Variants in TWSG1 observed in about 807,000 individuals in gnomAD.
The protein encoded by TWSG1 is twisted gastrulation BMP signaling modulator 1.
TWSG1 carries 15 observed loss-of-function variants against 23.0 expected under a neutral mutation model. The ratio of observed to expected loss-of-function variants is 0.65; its 90% CI spans 0.44 to 1.00. The LOEUF is 1.00. Ranked by LOEUF, TWSG1 falls within the 50% of genes least tolerant of loss-of-function variation. The pLI is 0.00. For synonymous variants in TWSG1, 86 were observed against 92.8 expected, an observed-to-expected ratio of 0.93 and a Z score of 0.42; for missense variants, 242 against 278.7, an observed-to-expected ratio of 0.87 and a Z score of 0.94.
At chr18:9,387,845 A>C (rs1325050962) in intron 3 of TWSG1, among the ~76,000 whole-genome samples, 1 of 152,166 alleles carries the variant, frequency 6.6e-6, no homozygotes, top group African/African-American at 2.4e-5. Context: ...TCAATCTGTA[A>C]AAAAAGGTGG....
chr18:9,384,904 C>T (rs2040675268), intron 3 of TWSG1, among the ~76,000 whole-genome samples: 1 of 152,174 alleles, frequency 6.6e-6, no homozygotes, highest in South Asian at 2.1e-4. Flanking sequence ...CCTCAGCCTC[C>T]CAAAGTGCTG....
chr18:9,372,386 A>AAAAT (rs1568036402), intron 3 of TWSG1, among the ~76,000 whole-genome samples: 1 of 150,192 alleles, frequency 6.7e-6, no homozygotes, highest in Admixed American at 6.7e-5. Context: ...AAAATAAAAT[A>AAAAT]ATACGGTAAT....
intron 2 of TWSG1, among the ~76,000 whole-genome samples, chr18:9,345,073 A>T (rs1240199833): frequency 6.6e-6 from 1 of 152,144 alleles, no homozygotes; most frequent in Non-Finnish European, 1.5e-5. Flanking sequence ...ACCTATGCTC[A>T]TTTTAAAATT....
At chr18:9,373,835 G>T (rs2040616919) in intron 3 of TWSG1, among the ~76,000 whole-genome samples, 1 of 151,992 alleles carries the variant, frequency 6.6e-6, no homozygotes, top group Admixed American at 6.6e-5. Flanking sequence ...AAATTTAAAA[G>T]AATAGAAATC....
At chr18:9,394,083 C>T (rs567144916) in intron 3 of TWSG1, among the ~76,000 whole-genome samples, 1 of 152,238 alleles carries the variant, frequency 6.6e-6, no homozygotes, top group South Asian at 2.1e-4. Context: ...ATCAGTATAT[C>T]GAAGAGACAT....
chr18:9,371,554 C>T (rs1417572993), intron 3 of TWSG1, among the ~76,000 whole-genome samples: 2 of 152,072 alleles, frequency 1.3e-5, no homozygotes, highest in African/African-American at 4.8e-5. Flanking sequence ...CTTGGCCTCC[C>T]AAAGTACTGG....
intron 2 of TWSG1, among the ~76,000 whole-genome samples, chr18:9,339,903 A>ATC (rs2040438678): frequency 6.6e-6 from 1 of 152,332 alleles, no homozygotes; most frequent in Admixed American, 6.5e-5. Context: ...CCTAACTCAA[A>ATC]TGGTGATTCT....
intron 3 of TWSG1, among the ~76,000 whole-genome samples, chr18:9,384,007 TC>T (rs1464137259): frequency 4.3e-4 from 66 of 152,342 alleles, no homozygotes; most frequent in Admixed American, 1.2e-3. Flanking sequence ...GCTGGAGTTT[TC>T]TAAAGAGAAT....
At chr18:9,378,554 T>C (rs1169833948) in intron 3 of TWSG1, among the ~76,000 whole-genome samples, 1 of 152,168 alleles carries the variant, frequency 6.6e-6, no homozygotes, top group African/African-American at 2.4e-5. Context: ...GGAATATACC[T>C]AACCAGTGAG....
intron 3 of TWSG1, among the ~76,000 whole-genome samples, chr18:9,392,408 C>A (rs769498368): frequency 2.6e-5 from 4 of 152,234 alleles, no homozygotes; most frequent in African/African-American, 9.6e-5. Flanking sequence ...TCAGACTTTT[C>A]TTCTGTAGCT....
At chr18:9,340,489 C>T (rs564893732) in intron 2 of TWSG1, among the ~76,000 whole-genome samples, 1 of 151,928 alleles carries the variant, frequency 6.6e-6, no homozygotes, top group East Asian at 1.9e-4. Context: ...CCACTCTTCA[C>T]CTAGTTTTGT....
At chr18:9,366,734 T>C (rs1380288099) in intron 3 of TWSG1, among the ~76,000 whole-genome samples, 4 of 152,216 alleles carry the variant, frequency 2.6e-5, no homozygotes, top group Non-Finnish European at 4.4e-5. Flanking sequence ...TCAAATTTTC[T>C]GTTTTCTGTT....
chr18:9,373,059 A>C (rs2040612955), intron 3 of TWSG1, among the ~76,000 whole-genome samples: 1 of 152,214 alleles, frequency 6.6e-6, no homozygotes, highest in Non-Finnish European at 1.5e-5. Context: ...ATGGATGGAG[A>C]ATGATATACA....
chr18:9,400,582 GAAAC>G lies in TWSG1; in HGVS notation c.*1059_*1062del, dbSNP rs1437580017. On this transcript the variant is annotated 3_prime_UTR_variant, in exon 5 of 5. Transcript: ENST00000262120. ...GTGAAAATGCTGGGAATTATTATGG[GAAAC>G]AAAACTATCTATGTTCATATTTTGT... is the stretch of plus-strand genomic sequence containing the variant. 6.6e-6 allele frequency: 1 copy of G among 152,126 alleles called. No individual in the cohort carries two copies. Among genetic ancestry groups the G allele is most frequent in the East Asian group, 1.9e-4 (1 of 5,202 alleles). The allele number at this position is 152,126 out of a possible 1,614,324, so 9.4% of individuals were successfully genotyped here. A position where few individuals can be genotyped will look rare whatever the true frequency, so the allele number is the denominator to read the frequency against.
chr18:9,385,295 G>A (rs963812522), intron 3 of TWSG1, among the ~76,000 whole-genome samples: 25 of 152,280 alleles, frequency 1.6e-4, no homozygotes, highest in African/African-American at 5.8e-4. Context: ...ATGTGTTATT[G>A]GTACCCAGGC....
intron 3 of TWSG1, among the ~76,000 whole-genome samples, chr18:9,364,802 A>C (rs1176225426): frequency 6.6e-6 from 1 of 151,132 alleles, no homozygotes; most frequent in Non-Finnish European, 1.5e-5. Context: ...TCAGAAAAAA[A>C]AAAAGAAGAA....
At chr18:9,348,537 C>T (rs2040487650) in intron 2 of TWSG1, among the ~76,000 whole-genome samples, 1 of 152,178 alleles carries the variant, frequency 6.6e-6, no homozygotes, top group South Asian at 2.1e-4. Flanking sequence ...AGTTGGTGAA[C>T]CTGAAAAGGT....
At chr18:9,335,536 G>T (rs376626199) in intron 1 of TWSG1, among the ~76,000 whole-genome samples, 99 of 152,172 alleles carry the variant, frequency 6.5e-4, no homozygotes, top group Admixed American at 9.8e-4. Context: ...TGGGAAAGGG[G>T]GGAAATCCCA....
At chr18:9,348,797 T>A (rs1458969750) in intron 2 of TWSG1, among the ~76,000 whole-genome samples, 1 of 152,240 alleles carries the variant, frequency 6.6e-6, no homozygotes, top group Non-Finnish European at 1.5e-5. Context: ...AATTTAGGTT[T>A]CTTTTTGTTA....
Sources: gnomAD v4.1 joint callset for allele counts (sites outside exome capture counted in the v4.1 genomes callset) on GRCh38, gnomAD v4.1.1 for gene constraint, MANE v1.5 for transcripts, NCBI Gene and HGNC (gene_info 2026-07-23, HGNC 2026-07-21) for gene names.